The following TRIOBP variants were observed in gnomAD, a reference collection of about 807,000 sequenced individuals.
The protein encoded by TRIOBP is TRIO and F-actin binding protein, also known as TRIO and F-actin-binding protein.
A neutral mutation model predicts 238.8 loss-of-function variants in TRIOBP; 169 were observed. The ratio of observed to expected loss-of-function variants is 0.71; its 90% CI spans 0.62 to 0.80. The LOEUF (loss-of-function observed/expected upper bound fraction) is 0.80, where lower values mean the gene tolerates loss of function less well. Among genes scored for constraint, TRIOBP ranks in the 30% least tolerant of loss-of-function variants. The pLI, the probability that TRIOBP is intolerant of heterozygous loss-of-function variation, is 0.00. For synonymous variants in TRIOBP, 1,150 were observed against 1,274.4 expected (o/e 0.90, Z 2.08); for missense variants, 2,838 against 3,122.6 (o/e 0.91, Z 2.17).
chr22:37,747,362 G>C (rs986226256), intron 11 of TRIOBP, among the ~76,000 whole-genome samples: 4 of 152,226 alleles, frequency 2.6e-5, no homozygotes, highest in African/African-American at 9.6e-5. Flanking sequence ...TGACAGCCCA[G>C]TGGCCCTCCT....
intron 18 of TRIOBP, among the ~76,000 whole-genome samples, chr22:37,767,830 T>C (rs753800766): frequency 1.3e-5 from 2 of 152,126 alleles, no homozygotes; most frequent in Non-Finnish European, 2.9e-5. Context: ...CCTTAATAGA[T>C]GGGCTGAGAG....
In TRIOBP at chr22:37,768,064, C is replaced by A; in HGVS notation, c.6473-10C>A. The A allele has an allele frequency of 6.2e-7, 1 of 1,607,652 alleles. No individual in the cohort carries two copies. Among genetic ancestry groups the A allele is most frequent in the South Asian group, 1.1e-5 (1 of 89,910 alleles). On this transcript the variant is annotated splice_polypyrimidine_tract_variant and intron_variant, in intron 18 of 23. Transcript: ENST00000644935. ...CCAGTCTCTCTTGTGCCTCTCTGCCCTGCTTCCAGCCATTGAAGCCATGAA... is the reference window on the plus strand; with the variant it reads ...CCAGTCTCTCTTGTGCCTCTCTGCCATGCTTCCAGCCATTGAAGCCATGAA...
At chr22:37,726,735 A>G (rs933296936) in intron 7 of TRIOBP, among the ~76,000 whole-genome samples, 2 of 152,182 alleles carry the variant, frequency 1.3e-5, no homozygotes, top group Non-Finnish European at 2.9e-5. Context: ...GGTTAACAGC[A>G]AAGACTGCAG....
At chr22:37,714,842 A>G (rs1017461533) in intron 5 of TRIOBP, among the ~76,000 whole-genome samples, 28 of 151,552 alleles carry the variant, frequency 1.8e-4, no homozygotes, top group African/African-American at 6.1e-4. Context: ...ATGCCTAGTT[A>G]TTATTATTTT....
chr22:37,735,110 A>T lies in TRIOBP; in HGVS notation c.4774A>T (p.Arg1592Trp), dbSNP rs749289703. ...GGGCCTCTTGGAGCTCCTGCAGGCC[A>T]GGCTGCCCCGCAAGGACCCAGCTGG... The part of the protein sequence containing the change: ...WEGLLELLQA[R>W]LPRKDPAGHR... Residue 1592 changes from arginine to tryptophan, a missense_variant, in exon 9 of 24, where the codon AGG becomes TGG. Coordinates refer to ENST00000644935, the MANE Select transcript of TRIOBP (RefSeq NM_001039141.3). 1.2e-6 allele frequency: 2 copies of T among 1,608,468 alleles called. No individual in the cohort carries two copies. Among genetic ancestry groups the T allele is most frequent in the South Asian group, 2.2e-5 (2 of 90,984 alleles).
At chr22:37,746,417 G>A (rs1190831297) in intron 11 of TRIOBP, 7 of 1,420,196 alleles carry the variant, frequency 4.9e-6, no homozygotes, top group African/African-American at 1.5e-5. Context: ...GCGCCGCCAT[G>A]ACGGTGAGTG....
chr22:37,719,718 G>A (rs956206273), intron 6 of TRIOBP, among the ~76,000 whole-genome samples: 14 of 152,004 alleles, frequency 9.2e-5, no homozygotes, highest in South Asian at 8.3e-4. Context: ...CCTTCCTCAC[G>A]GGCCACTCCA....
At chr22:37,709,015 G>A (rs1923094921) in intron 3 of TRIOBP, among the ~76,000 whole-genome samples, 1 of 152,192 alleles carries the variant, frequency 6.6e-6, no homozygotes, top group African/African-American at 2.4e-5. Flanking sequence ...CTGCTGTGCT[G>A]TCCCCTGGGT....
At chr22:37,710,300 C>T in intron 3 of TRIOBP, 127 bp from the exon 4 acceptor site, 2 of 1,416,952 alleles carry the variant, frequency 1.4e-6, no homozygotes, top group Non-Finnish European at 1.9e-6. Context: ...ATGGGCAGCT[C>T]CTTGAGAAGT....
At position 37,757,794 on chromosome 22, in the gene TRIOBP, C is replaced by T. The variant is rs1277466514; in HGVS notation, c.5869C>T (p.Gln1957Ter). Residue 1957 changes from glutamine to a stop codon, truncating the protein, a stop_gained, in exon 16 of 24, where the codon CAG becomes TAG. Coordinates refer to ENST00000644935, the MANE Select transcript of TRIOBP (RefSeq NM_001039141.3). LOFTEE classifies it high-confidence loss of function. ...ELSPLTQASP[Q>*]RARTPARTPD... is the part of the protein sequence containing the mutation. ...CTCGCCGCTGACCCAGGCTTCCCCG[C>T]AGCGGGCCCGCACCCCAGCCCGCAC... 3 of 1,547,842 alleles carry T rather than the reference C, an allele frequency of 1.9e-6. No individual in the cohort carries two copies. In the Admixed American group the frequency reaches 5.9e-5, roughly 30 times the overall value.
chr22:37,704,930 A>T lies in TRIOBP; in HGVS notation c.114+3451A>T, dbSNP rs910919158. Among the ~76,000 whole-genome samples, 2 of 150,124 alleles carry T rather than the reference A, an allele frequency of 1.3e-5. 1 individual carries two copies. The highest frequency in any genetic ancestry group is 3.9e-4 in the East Asian group (2 of 5,120). ...AAAAAAAAAAAAAAAAAAATTAGCC[A>T]GGCAGGATGGTGCACACCTGTAGTC... On this transcript the variant is annotated intron_variant, in intron 3 of 23. Transcript: ENST00000644935.
At chr22:37,767,749 A>G (rs1181778490) in intron 18 of TRIOBP, among the ~76,000 whole-genome samples, 4 of 152,148 alleles carry the variant, frequency 2.6e-5, no homozygotes, top group African/African-American at 9.7e-5. Flanking sequence ...GGAAATCACT[A>G]GAACAGGAGG....
At chr22:37,765,562 A>G in intron 17 of TRIOBP, 108 bp from the exon 18 acceptor site, 1 of 1,451,704 alleles carries the variant, frequency 6.9e-7, no homozygotes, top group Non-Finnish European at 9.4e-7. Flanking sequence ...GCTGGGACCC[A>G]GGAGGAGGTG....
Position 37,726,014 on chromosome 22 carries a change from C to G in TRIOBP, c.3458C>G (p.Ser1153Cys). ...STESLVPSMD[S>C]LHECPHIPTP... is the part of the protein sequence containing the mutation. Reference sequence around the variant, plus strand: ...GAGAGCCTTGTCCCTTCCATGGACTCTCTGCACGAGTGCCCCCACATCCCC... The same window carrying G: ...GAGAGCCTTGTCCCTTCCATGGACTGTCTGCACGAGTGCCCCCACATCCCC... Residue 1153 changes from serine (S) to cysteine (C), a missense_variant, in exon 7 of 24, where the codon TCT (serine) becomes TGT (cysteine). Transcript: ENST00000644935. 5 of 1,611,652 alleles carry G rather than the reference C, an allele frequency of 3.1e-6. No individual in the cohort carries two copies. The highest frequency in any genetic ancestry group is 2.5e-6 in the Non-Finnish European group (3 of 1,179,106).
rs149109092 is a variant in TRIOBP, at chr22:37,755,609, C to T, written c.5637C>T (p.Ile1879=). 1.1e-5 allele frequency: 18 copies of T among 1,613,942 alleles called. No homozygotes were observed. Among genetic ancestry groups the T allele is most frequent in the South Asian group, 2.2e-5 (2 of 91,084 alleles). ...CCTCAGGCATCCGGCGGAACTGGAT[C>T]GAGGCTCTGAGAAAGACCGTACGTC... The part of the protein sequence containing the change: ...AMTSGIRRNW[I]EALRKTVRPT... The change falls in exon 15 of 24, where the codon ATC becomes ATT. Residue 1879 remains isoleucine (I), a synonymous_variant. Coordinates refer to ENST00000644935, the MANE Select transcript of TRIOBP (RefSeq NM_001039141.3).
chr22:37,701,292 C>T lies in TRIOBP; in HGVS notation c.-60-14C>T, dbSNP rs886131131. 2.3e-5 allele frequency: 28 copies of T among 1,228,986 alleles called. No homozygotes were observed. The highest frequency in any genetic ancestry group is 3.2e-5 in the Non-Finnish European group (27 of 848,776). 76.1% of individuals were successfully genotyped at this position (1,228,986 alleles called of 1,614,324 possible). On this transcript the variant is annotated splice_polypyrimidine_tract_variant and intron_variant, in intron 2 of 23. Transcript: ENST00000644935. ...CCAGTCATCTGGTCTTTGCCTCCCC[C>T]TCATTTTTGCCAGGCCTCACATAGA...
chr22:37,754,325 C>A (rs1306409510), intron 12 of TRIOBP, among the ~76,000 whole-genome samples: 1 of 150,612 alleles, frequency 6.6e-6, no homozygotes, highest in Admixed American at 6.7e-5. Flanking sequence ...ACAGGAGAAT[C>A]ACTTGAACTC....
rs8140207 is a variant in TRIOBP, at chr22:37,734,452, G to T, written c.4116G>T (p.Glu1372Asp). The T allele has an allele frequency of 0.29, 470,536 of 1,612,404 alleles. 72,369 individuals carry two copies. Among genetic ancestry groups the T allele is most frequent in the South Asian group, 0.4 (36,271 of 90,984 alleles). ...AACTGACCCGGCGGAGCCAAGCAGA[G>T]CCCCCTCATCCTTGGAGTCCTGAGA... ...QAELTRRSQA[E>D]PPHPWSPEKR... is the part of the protein sequence containing the mutation. The change falls in exon 9 of 24, where the codon GAG becomes GAT. Residue 1372 changes from glutamate (E) to aspartate (D), a missense_variant. Glu to Asp is a conservative substitution (Grantham distance 45). Around this residue, in one of 5 missense-constraint regions of TRIOBP, gnomAD observed 2,096 missense variants for 2,137.4 expected, o/e 0.98. Coordinates refer to ENST00000644935, the MANE Select transcript of TRIOBP (RefSeq NM_001039141.3).
intron 11 of TRIOBP, among the ~76,000 whole-genome samples, chr22:37,749,092 T>C (rs1925433757): frequency 6.6e-6 from 1 of 152,030 alleles, no homozygotes; most frequent in Non-Finnish European, 1.5e-5. Context: ...GGCTTATGTG[T>C]GCCTGTAATC....
Sources: allele counts gnomAD v4.1 joint callset (sites outside exome capture counted in the v4.1 genomes callset), GRCh38; gene constraint gnomAD v4.1.1; regional missense constraint gnomAD v4.1.1; transcripts MANE v1.5; gene names NCBI Gene and HGNC (gene_info 2026-07-23, HGNC 2026-07-21).